ATL1: variants seen among roughly 807,000 people sequenced by gnomAD.
ATL1 encodes the protein atlastin GTPase 1.
ATL1 carries 31 observed loss-of-function variants against 75.5 expected under a neutral mutation model. The ratio of observed to expected loss-of-function variants is 0.41; its 90% CI spans 0.31 to 0.55. ATL1 has a LOEUF of 0.55. ATL1 is among the 20% of genes least tolerant of loss of function. The pLI is 0.27. For synonymous variants in ATL1, 226 were observed against 233.3 expected, an observed-to-expected ratio of 0.97 and a Z score of 0.28; for missense variants, 405 against 662.6, an observed-to-expected ratio of 0.61 and a Z score of 4.27.
intron 1 of ATL1, among the ~76,000 whole-genome samples, chr14:50,562,140 G>C (rs1355756833): frequency 6.6e-6 from 1 of 151,978 alleles, no homozygotes; most frequent in Admixed American, 6.6e-5. Flanking sequence ...CACCTCCCGG[G>C]TTCACGCCAT....
At chr14:50,541,556 T>C (rs2038560326) in intron 1 of ATL1, among the ~76,000 whole-genome samples, 1 of 152,198 alleles carries the variant, frequency 6.6e-6, no homozygotes, top group Non-Finnish European at 1.5e-5. Context: ...TGCCACCTTG[T>C]TCATATCACT....
intron 1 of ATL1, among the ~76,000 whole-genome samples, chr14:50,553,474 G>A (rs1402584646): frequency 6.6e-6 from 1 of 152,082 alleles, no homozygotes; most frequent in Non-Finnish European, 1.5e-5. Context: ...TGGATGTGGT[G>A]AAAAGGGAGC....
intron 4 of ATL1, 160 bp downstream of exon 4, chr14:50,591,799 G>T: frequency 1.7e-6 from 1 of 587,662 alleles, no homozygotes; most frequent in Non-Finnish European, 3.0e-6. Flanking sequence ...CTGTGAGAGT[G>T]GAATTGTTTT....
At chr14:50,541,785 C>T (rs1164504978) in intron 1 of ATL1, among the ~76,000 whole-genome samples, 1 of 151,756 alleles carries the variant, frequency 6.6e-6, no homozygotes, top group Non-Finnish European at 1.5e-5. Flanking sequence ...TTTAGGGAGG[C>T]CGAGGCAGGA....
chr14:50,552,774 T>A (rs2038718791), intron 1 of ATL1, among the ~76,000 whole-genome samples: 1 of 152,190 alleles, frequency 6.6e-6, no homozygotes, highest in Non-Finnish European at 1.5e-5. Flanking sequence ...AAGGATACCC[T>A]ATTCAATAAA....
intron 11 of ATL1, 29 bp from the exon 12 acceptor site, chr14:50,628,002 A>C (rs369329842): frequency 6.2e-7 from 1 of 1,613,250 alleles, no homozygotes; most frequent in African/African-American, 1.3e-5. Flanking sequence ...TCTGCATTGC[A>C]TAAACAAATA....
chr14:50,587,253 C>A (rs527981477), intron 1 of ATL1, among the ~76,000 whole-genome samples: 33 of 152,282 alleles, frequency 2.2e-4, no homozygotes, highest in African/African-American at 6.7e-4. Context: ...CTTTCTGACT[C>A]AGCAGACAGA....
At chr14:50,604,201 A>G (rs1447562926) in intron 6 of ATL1, among the ~76,000 whole-genome samples, 1 of 152,144 alleles carries the variant, frequency 6.6e-6, no homozygotes, top group African/African-American at 2.4e-5. Context: ...TTGGTCACAT[A>G]TATCTTTAAA....
chr14:50,604,922 T>G (rs1212847063), intron 6 of ATL1, among the ~76,000 whole-genome samples: 1 of 152,072 alleles, frequency 6.6e-6, no homozygotes. Flanking sequence ...GAGCATGGTC[T>G]GTAGATACTT....
chr14:50,570,177 A>G (rs1435385028), intron 1 of ATL1, among the ~76,000 whole-genome samples: 1 of 152,106 alleles, frequency 6.6e-6, no homozygotes, highest in Non-Finnish European at 1.5e-5. Context: ...TACAATGTGT[A>G]TGTTGGTTCA....
chr14:50,567,467 T>G (rs1277989748), intron 1 of ATL1, among the ~76,000 whole-genome samples: 1 of 152,206 alleles, frequency 6.6e-6, no homozygotes, highest in African/African-American at 2.4e-5. Context: ...TCAATTCTTT[T>G]GGGTATATAC....
rs2934676 is a variant in ATL1, at chr14:50,616,785, T to C, written c.862+2274T>C. The stretch of plus-strand genomic sequence containing the variant: ...AAGTTCCATTTTAATGAGACTTTTA[T>C]ATCTTACAAGACTGCTGCTAAAGCC... On this transcript the variant is annotated intron_variant, in intron 8 of 13. Coordinates refer to ENST00000358385, the MANE Select transcript of ATL1 (RefSeq NM_015915.5). Among the ~76,000 whole-genome samples the C allele has an allele frequency of 7.3e-3, 1,106 of 152,352 alleles. 19 individuals are homozygous for C. Among genetic ancestry groups the C allele is most frequent in the African/African-American group, 0.025 (1,029 of 41,574 alleles).
In ATL1 at chr14:50,594,013, A is replaced by G; in HGVS notation, c.573+117A>G. On this transcript the variant is annotated intron_variant, in intron 5 of 13. Coordinates refer to ENST00000358385, the MANE Select transcript of ATL1 (RefSeq NM_015915.5). ...TTCTGATTCTGCTGTTTAAACAGGA[A>G]CTATTGGCCCAATTAGCTGCCTGGT... The G allele has an allele frequency of 6.2e-6, 5 of 804,806 alleles. No homozygotes were observed. The South Asian group carries it at 7.2e-5, about 12-fold the overall frequency. The allele number at this position is 804,806 out of a possible 1,614,324, so 49.9% of individuals were successfully genotyped here. A position where few individuals can be genotyped will look rare whatever the true frequency, so the allele number is the denominator to read the frequency against.
intron 1 of ATL1, among the ~76,000 whole-genome samples, chr14:50,566,430 T>C (rs2038904814): frequency 6.6e-6 from 1 of 152,160 alleles, no homozygotes; most frequent in African/African-American, 2.4e-5. Flanking sequence ...CTATTTAGTT[T>C]TACATTTGAA....
At chr14:50,630,248 A>G (rs1454905106) in intron 13 of ATL1, among the ~76,000 whole-genome samples, 1 of 152,252 alleles carries the variant, frequency 6.6e-6, no homozygotes, top group Non-Finnish European at 1.5e-5. Flanking sequence ...GAATATCATC[A>G]GTATTTGTTT....
intron 1 of ATL1, among the ~76,000 whole-genome samples, chr14:50,569,255 G>A (rs1595586229): frequency 2.0e-5 from 3 of 152,076 alleles, no homozygotes; most frequent in Admixed American, 2.0e-4. Flanking sequence ...AGCTACTCCG[G>A]AGGCTGAAGT....
rs367824418 is a variant in ATL1 at position 50,632,969 on chromosome 14, G to A, written c.*630G>A. ...TATATTTTTTCATTTGGTACACAAAGAATGTATTCTTCATAGGTTTATTCT... is the reference window on the plus strand; with the variant it reads ...TATATTTTTTCATTTGGTACACAAAAAATGTATTCTTCATAGGTTTATTCT... On this transcript the variant is annotated 3_prime_UTR_variant, in exon 14 of 14. Transcript: ENST00000358385. 11 of 152,308 alleles carry A rather than the reference G, an allele frequency of 7.2e-5. No individual in the cohort carries two copies. The East Asian group carries it at 7.7e-4, about 11-fold the overall frequency. 9.4% of individuals were successfully genotyped at this position (152,308 alleles called of 1,614,324 possible). A position where few individuals can be genotyped will look rare whatever the true frequency, so the allele number is the denominator to read the frequency against.
intron 1 of ATL1, among the ~76,000 whole-genome samples, chr14:50,562,000 C>A (rs1473799508): frequency 2.6e-5 from 4 of 152,000 alleles, no homozygotes; most frequent in Non-Finnish European, 5.9e-5. Flanking sequence ...AATTTTTCTC[C>A]TTTATGAAGC....
chr14:50,585,886 G>A (rs1465782262), intron 1 of ATL1, among the ~76,000 whole-genome samples: 1 of 152,148 alleles, frequency 6.6e-6, no homozygotes, highest in African/African-American at 2.4e-5. Context: ...CTGATTCGTG[G>A]CTATAGGCAA....
Sources: gnomAD v4.1 joint callset for allele counts (sites outside exome capture counted in the v4.1 genomes callset) on GRCh38, gnomAD v4.1.1 for gene constraint, MANE v1.5 for transcripts, NCBI Gene and HGNC (gene_info 2026-07-23, HGNC 2026-07-21) for gene names.